COL18A1: variants seen among roughly 807,000 people sequenced by gnomAD.
The protein encoded by COL18A1 is collagen type XVIII alpha 1 chain.
COL18A1 carries 133 observed loss-of-function variants against 168.0 expected under a neutral mutation model. That is an observed-to-expected ratio of 0.79 (90% CI 0.69 to 0.91). COL18A1 has a LOEUF of 0.91. COL18A1 is among the 40% of genes least tolerant of loss of function. COL18A1 has a pLI of 0.00. For synonymous variants in COL18A1, 949 were observed against 809.0 expected (o/e 1.17, Z -2.94); for missense variants, 2,126 against 1,925.4 (o/e 1.10, Z -1.95).
intron 2 of COL18A1, chr21:45,407,969 AC>A (rs2033168574): frequency 6.6e-6 from 1 of 152,172 alleles, no homozygotes; most frequent in South Asian, 2.1e-4. Flanking sequence ...GTAACGAGAG[AC>A]CCTCCCGCGT....
intron 2 of COL18A1, among the ~76,000 whole-genome samples, chr21:45,451,848 G>T (rs535229879): frequency 3.3e-5 from 5 of 152,290 alleles, no homozygotes; most frequent in African/African-American, 1.2e-4. Context: ...GGATCCATGG[G>T]CCCTCTTCCT....
At chr21:45,484,323 A>C (rs1247794378) in intron 15 of COL18A1, among the ~76,000 whole-genome samples, 1 of 142,152 alleles carries the variant, frequency 7.0e-6, no homozygotes, top group Admixed American at 6.9e-5. Flanking sequence ...GCATACATGC[A>C]CACACATGCA....
chr21:45,501,322 A>G (rs1389001862), intron 32 of COL18A1, among the ~76,000 whole-genome samples: 1 of 152,064 alleles, frequency 6.6e-6, no homozygotes, highest in Non-Finnish European at 1.5e-5. Flanking sequence ...CTTTCAGCCC[A>G]GGGAGATCTG....
chr21:45,490,381 G>T (rs760315008), intron 20 of COL18A1, 35 bp downstream of exon 20: 9 of 1,500,784 alleles, frequency 6.0e-6, no homozygotes, highest in East Asian at 2.5e-5. Context: ...GTGCAGGGGG[G>T]GCGTGGAGCC....
chr21:45,494,587 G>A lies in COL18A1; in HGVS notation c.2379+16G>A. On this transcript the variant is annotated intron_variant, in intron 27 of 41. Coordinates refer to ENST00000651438, the MANE Select transcript of COL18A1 (RefSeq NM_001379500.1). ...AGGACCCCCGGTAAGTCGGTCCCTG[G>A]CTTTCTCTGCACTGAGCTCGGGCAT... The A allele has an allele frequency of 6.2e-7, 1 of 1,613,006 alleles. No individual in the cohort carries two copies. The highest frequency in any genetic ancestry group is 1.1e-5 in the South Asian group (1 of 91,084).
At chr21:45,495,584 GCA>G (rs1170312690) in intron 29 of COL18A1, 152 bp downstream of exon 29, 22 of 657,688 alleles carry the variant, frequency 3.3e-5, no homozygotes, top group South Asian at 1.5e-4. Context: ...CCATACCCAT[GCA>G]CAGTCATACA....
At chr21:45,467,864 CT>C (rs775431659) in intron 2 of COL18A1, among the ~76,000 whole-genome samples, 1 of 152,212 alleles carries the variant, frequency 6.6e-6, no homozygotes, top group Non-Finnish European at 1.5e-5. Context: ...CTTCTCCCCA[CT>C]GGCTCTGCCC....
At chr21:45,482,095 C>G in intron 14 of COL18A1, 70 bp downstream of exon 14, 1 of 1,220,322 alleles carries the variant, frequency 8.2e-7, no homozygotes, top group African/African-American at 1.5e-5. Flanking sequence ...TCCGGGGGTG[C>G]CTGGTGACGC....
At position 45,471,792 on chromosome 21, in the gene COL18A1, G is replaced by A. The variant is rs576411600; in HGVS notation, c.652-2103G>A. Among the ~76,000 whole-genome samples the A allele has an allele frequency of 3.9e-5, 6 of 152,270 alleles. No homozygotes were observed. The highest frequency in any genetic ancestry group is 2.0e-4 in the Admixed American group (3 of 15,296). ...ATTTCCAGGGCGCTGAGGCTGCAGCGTGTCGGGAAGCATTTTACATGCTCT... is the reference window on the plus strand; with the variant it reads ...ATTTCCAGGGCGCTGAGGCTGCAGCATGTCGGGAAGCATTTTACATGCTCT... On this transcript the variant is annotated intron_variant, in intron 3 of 41. Transcript: ENST00000651438. The surrounding 1 kb of genome is among the most constrained non-coding windows in gnomAD (Gnocchi z 4.4).
chr21:45,428,247 G>A (rs868127836), intron 2 of COL18A1, among the ~76,000 whole-genome samples: 2 of 152,156 alleles, frequency 1.3e-5, no homozygotes, highest in African/African-American at 2.4e-5. Context: ...AAGACGCAGC[G>A]CTGTGGGAAC....
chr21:45,450,805 C>T (rs114600068), intron 2 of COL18A1, among the ~76,000 whole-genome samples: 3,526 of 152,314 alleles, frequency 0.023, 153 homozygotes, highest in African/African-American at 0.08. Context: ...GCCTCCCTCC[C>T]GGTGTGCCCA....
intron 2 of COL18A1, among the ~76,000 whole-genome samples, chr21:45,440,255 A>G (rs1016240525): frequency 2.0e-5 from 3 of 152,266 alleles, no homozygotes; most frequent in Non-Finnish European, 2.9e-5. Flanking sequence ...AAGCTCTGCA[A>G]GATTCAGAAG....
chr21:45,416,410 G>T (rs1036663131), intron 2 of COL18A1, among the ~76,000 whole-genome samples: 1 of 151,294 alleles, frequency 6.6e-6, no homozygotes, highest in Non-Finnish European at 1.5e-5. Flanking sequence ...TGAACTGGGG[G>T]TGGTGTGGGG....
Position 45,465,991 on chromosome 21 carries a change from C to T in COL18A1, c.107-2251C>T, listed in dbSNP as rs543923067. On this transcript the variant is annotated intron_variant, in intron 2 of 41. Coordinates refer to ENST00000651438, the MANE Select transcript of COL18A1 (RefSeq NM_001379500.1). ...GAGAGCCCAGTTTGGGGAGAAGGGA[C>T]GGTCTTGTCCTGGGAGGTGTCAGAC... 1.7e-4 allele frequency among the ~76,000 whole-genome samples: 26 copies of T among 152,198 alleles called. No individual in the cohort carries two copies. The South Asian group carries it at 2.9e-3, about 17-fold the overall frequency.
At position 45,477,949 on chromosome 21, in the gene COL18A1, G is replaced by C. The variant is rs1283317728; in HGVS notation, c.1205G>C (p.Gly402Ala). 1.9e-6 allele frequency: 3 copies of C among 1,542,236 alleles called. No individual in the cohort carries two copies. The highest frequency in any genetic ancestry group is 1.4e-5 in the African/African-American group (1 of 73,226). The change falls in exon 8 of 42, where the codon GGA (glycine) becomes GCA (alanine). Residue 402 changes from glycine to alanine, a missense_variant. Gly to Ala is a moderately conservative substitution (Grantham distance 60). Transcript: ENST00000651438. ...CCTCCGGGGAGGGACGGCACCCCTGGAAGGGACGGCGAGCCGGTGAGTCCT... is the reference window on the plus strand; with the variant it reads ...CCTCCGGGGAGGGACGGCACCCCTGCAAGGGACGGCGAGCCGGTGAGTCCT... ...PGPPGRDGTP[G>A]RDGEPGDPGE...
chr21:45,422,617 C>T lies in COL18A1; in HGVS notation c.106+17144C>T, dbSNP rs976464774. On this transcript the variant is annotated intron_variant, in intron 2 of 41. Transcript: ENST00000651438. ...CAGGGCACAGTGGGTGGCACGGGCTCTCCCAGCCGTCGGTTGGTGAAAAAC... is the reference window on the plus strand; with the variant it reads ...CAGGGCACAGTGGGTGGCACGGGCTTTCCCAGCCGTCGGTTGGTGAAAAAC... 3.9e-5 allele frequency: 15 copies of T among 388,938 alleles called. 1 individual carries two copies. Among genetic ancestry groups the T allele is most frequent in the South Asian group, 1.5e-4 (8 of 52,336 alleles). 24.1% of individuals were successfully genotyped at this position (388,938 alleles called of 1,614,324 possible).
rs547231568 is a variant in COL18A1, at chr21:45,456,794, C to T, written c.107-11448C>T. ...GGCCCTGCAGGATGCGTGTTGGAGC[C>T]GCCTGGGCGGGGGCCGGCTGCCCGT... On this transcript the variant is annotated intron_variant, in intron 2 of 41. Transcript: ENST00000651438. 1.1e-4 allele frequency: 177 copies of T among 1,540,358 alleles called. 1 individual carries two copies. The highest frequency in any genetic ancestry group is 4.1e-4 in the South Asian group (34 of 83,280).
Position 45,512,458 on chromosome 21 carries a change from G to A in COL18A1, c.*60G>A. On this transcript the variant is annotated 3_prime_UTR_variant, in exon 42 of 42. Coordinates refer to ENST00000651438, the MANE Select transcript of COL18A1 (RefSeq NM_001379500.1). ...GCGGCTCGGAGGAAGCCCCCACCGTGGGCAGGGAGCGGCCGGCCAGCCCCT... is the reference window on the plus strand; with the variant it reads ...GCGGCTCGGAGGAAGCCCCCACCGTAGGCAGGGAGCGGCCGGCCAGCCCCT... 6.5e-7 allele frequency: 1 copy of A among 1,546,480 alleles called. No homozygotes were observed. Among genetic ancestry groups the A allele is most frequent in the Non-Finnish European group, 8.8e-7 (1 of 1,138,422 alleles).
rs116247465 is a variant in COL18A1, at chr21:45,444,761, A to G, written c.107-23481A>G. 3.4e-3 allele frequency among the ~76,000 whole-genome samples: 514 copies of G among 152,326 alleles called. 3 individuals carry two copies. The highest frequency in any genetic ancestry group is 0.012 in the African/African-American group (495 of 41,550). On this transcript the variant is annotated intron_variant, in intron 2 of 41. Transcript: ENST00000651438. ...GTTTGAAAACCAACATTAGCAGCAAAGATGACTCCGTGTCCATACCCTAGT... is the reference window on the plus strand; with the variant it reads ...GTTTGAAAACCAACATTAGCAGCAAGGATGACTCCGTGTCCATACCCTAGT...
Sources: allele counts gnomAD v4.1 joint callset (sites outside exome capture counted in the v4.1 genomes callset), GRCh38; gene constraint gnomAD v4.1.1; non-coding constraint Gnocchi (gnomAD v3.1); transcripts MANE v1.5; gene names NCBI Gene and HGNC (gene_info 2026-07-23, HGNC 2026-07-21).